ATP8B2: variants seen among roughly 807,000 people sequenced by gnomAD.
The protein encoded by ATP8B2 is phospholipid-transporting ATPase ID.
ATP8B2 carries 70 observed loss-of-function variants against 133.4 expected under a neutral mutation model. The observed-to-expected ratio is 0.52, with a 90% CI of 0.43 to 0.64. The LOEUF is 0.64. ATP8B2 is among the 30% of genes least tolerant of loss of function. The pLI, the probability that ATP8B2 is intolerant of heterozygous loss-of-function variation, is 0.00. For synonymous variants in ATP8B2, 517 were observed against 589.5 expected (o/e 0.88, Z 1.78); for missense variants, 1,101 against 1,535.7 (o/e 0.72, Z 4.73).
chr1:154,329,892 C>T (rs1294887287), intron 2 of ATP8B2, among the ~76,000 whole-genome samples: 2 of 152,244 alleles, frequency 1.3e-5, no homozygotes, highest in South Asian at 4.1e-4. Flanking sequence ...TGGGATGCTC[C>T]CGCAGAGCAG....
intron 11 of ATP8B2, 96 bp from the exon 12 acceptor site, chr1:154,337,252 C>G: frequency 7.0e-7 from 1 of 1,435,122 alleles, no homozygotes; most frequent in South Asian, 1.4e-5. Context: ...AGCATCTGAG[C>G]TTTTGAGGGC....
chr1:154,333,514 AAG>A (rs200753908), intron 9 of ATP8B2, among the ~76,000 whole-genome samples: 23,086 of 148,662 alleles, frequency 0.16, 1,785 homozygotes, highest in African/African-American at 0.19. Flanking sequence ...AAAAAAAAAA[AAG>A]AAGAAGAAAA....
Position 154,346,486 on chromosome 1 carries a change from C to T in ATP8B2, c.3024+10C>T. 6.2e-7 allele frequency: 1 copy of T among 1,608,250 alleles called. No homozygotes were observed. The highest frequency in any genetic ancestry group is 8.5e-7 in the Non-Finnish European group (1 of 1,175,970). On this transcript the variant is annotated intron_variant, in intron 25 of 27. Transcript: ENST00000368489. The surrounding 1 kb of genome is among the most constrained non-coding windows in gnomAD (Gnocchi z 4.5). ...TGTGGTTAGCGTGCAGGTATGAGGC[C>T]ATCCAGGAACTCCCCTCTTCTCTGG...
At position 154,350,871 on chromosome 1, in the gene ATP8B2, G is replaced by A. The variant is rs1191774570; in HGVS notation, c.*1753G>A. Reference sequence around the variant, plus strand: ...AATGGTTTGGAGCTGGGAGTGGGTAGGGGGATTTTAAATGTTCCATATGGG... The same window carrying A: ...AATGGTTTGGAGCTGGGAGTGGGTAAGGGGATTTTAAATGTTCCATATGGG... On this transcript the variant is annotated 3_prime_UTR_variant, in exon 28 of 28. Coordinates refer to ENST00000368489, the MANE Select transcript of ATP8B2 (RefSeq NM_001370597.1). 2 of 152,024 alleles carry A rather than the reference G, an allele frequency of 1.3e-5. No individual in the cohort carries two copies. Among genetic ancestry groups the A allele is most frequent in the Admixed American group, 1.3e-4 (2 of 15,228 alleles). The allele number at this position is 152,024 out of a possible 1,614,324, so 9.4% of individuals were successfully genotyped here.
At chr1:154,333,245 G>A (rs183887431) in intron 9 of ATP8B2, among the ~76,000 whole-genome samples, 26 of 152,190 alleles carry the variant, frequency 1.7e-4, no homozygotes, top group African/African-American at 5.8e-4. Context: ...CCTGGGAGGC[G>A]GAGGTTGCAG....
chr1:154,337,817 T>C, intron 12 of ATP8B2: 1 of 1,262,352 alleles, frequency 7.9e-7, no homozygotes, highest in Non-Finnish European at 1.0e-6. Context: ...GTGTGCTAGG[T>C]GCCATCACAA....
intron 12 of ATP8B2, chr1:154,337,886 A>G: frequency 1.3e-6 from 1 of 750,532 alleles, no homozygotes. Context: ...CTAGTAAAGG[A>G]AGGAAAATCT....
At position 154,346,148 on chromosome 1, in the gene ATP8B2, C is replaced by T; in HGVS notation, c.2779-83C>T. On this transcript the variant is annotated intron_variant, in intron 24 of 27. Transcript: ENST00000368489. This position sits in a 1 kb window ranked among gnomAD's most constrained non-coding sequence, Gnocchi z 4.5. ...GACTTTGGAAAGGAGGAGGCAGGGA[C>T]AGAGTCAGAGTCTGCCCTTGGTCAT... 1 of 1,543,288 alleles carries T rather than the reference C, an allele frequency of 6.5e-7. No homozygotes were observed. Among genetic ancestry groups the T allele is most frequent in the South Asian group, 1.2e-5 (1 of 81,782 alleles).
Position 154,342,934 on chromosome 1 carries a change from A to G in ATP8B2, c.1426A>G (p.Thr476Ala). The G allele has an allele frequency of 6.2e-7, 1 of 1,614,130 alleles. No homozygotes were observed. Among genetic ancestry groups the G allele is most frequent in the Non-Finnish European group, 8.5e-7 (1 of 1,180,038 alleles). The stretch of plus-strand genomic sequence containing the variant: ...CTTCCGCCTCCTTTCCCTGTGTCAT[A>G]CTGTCATGTCAGAAGAAAAGAACGA... Reference protein sequence around the residue: ...EFFRLLSLCHTVMSEEKNEGE... With the variant: ...EFFRLLSLCHAVMSEEKNEGE... Residue 476 changes from threonine to alanine, a missense_variant, in exon 15 of 28, where the codon ACT (threonine) becomes GCT (alanine). Transcript: ENST00000368489.
In ATP8B2 at chr1:154,335,683, C is replaced by A. The variant is rs540983579; in HGVS notation, c.837+1092C>A. Among the ~76,000 whole-genome samples the A allele has an allele frequency of 1.4e-4, 20 of 143,390 alleles. No homozygotes were observed. In the South Asian group the frequency reaches 2.7e-3, roughly 19 times the overall value. 94.1% of individuals were successfully genotyped at this position (143,390 alleles called of 152,430 possible). On this transcript the variant is annotated intron_variant, in intron 11 of 27. Transcript: ENST00000368489. ...TCCAGCCTGGGCAACAAAGCAAGAC[C>A]CTGTTTCAAAAAAGAAATCTACGTT... is the stretch of plus-strand genomic sequence containing the variant.
In ATP8B2 at chr1:154,331,162, T is replaced by C. The variant is rs1685975362; in HGVS notation, c.303+16T>C. 5.6e-6 allele frequency: 9 copies of C among 1,608,300 alleles called. No individual in the cohort carries two copies. The highest frequency in any genetic ancestry group is 7.7e-6 in the Non-Finnish European group (9 of 1,175,042). ...TGATGACTATGTGAGTGGTTTTCAT[T>C]CTTCTATTTTGTCCCAGTCACCCAC... On this transcript the variant is annotated intron_variant, in intron 5 of 27. Coordinates refer to ENST00000368489, the MANE Select transcript of ATP8B2 (RefSeq NM_001370597.1). This position sits in a 1 kb window ranked among gnomAD's most constrained non-coding sequence, Gnocchi z 4.8.
Position 154,346,806 on chromosome 1 carries a change from T to G in ATP8B2, c.3163+48T>G, listed in dbSNP as rs201312555. On this transcript the variant is annotated intron_variant, in intron 26 of 27. Transcript: ENST00000368489. The surrounding 1 kb of genome is among the most constrained non-coding windows in gnomAD (Gnocchi z 4.5). ...AATCGGTGAGGAATCACAGCTGTTCTGGGACTAACAGGACCATCAGCTAAT... is the reference window on the plus strand; with the variant it reads ...AATCGGTGAGGAATCACAGCTGTTCGGGGACTAACAGGACCATCAGCTAAT... 17 of 1,600,654 alleles carry G rather than the reference T, an allele frequency of 1.1e-5. No individual in the cohort carries two copies. The South Asian group carries it at 1.2e-4, about 11-fold the overall frequency.
Position 154,343,155 on chromosome 1 carries a change from T to C in ATP8B2, c.1496T>C (p.Leu499Pro). The C allele has an allele frequency of 6.2e-7, 1 of 1,614,110 alleles. No homozygotes were observed. The highest frequency in any genetic ancestry group is 8.5e-7 in the Non-Finnish European group (1 of 1,180,022). The change falls in exon 16 of 28, where the codon CTG (leucine) becomes CCG (proline). Residue 499 changes from leucine (L) to proline (P), a missense_variant. Transcript: ENST00000368489. The surrounding 1 kb of genome is among the most constrained non-coding windows in gnomAD (Gnocchi z 5.8). ...YKAQSPDEGA[L>P]VTAARNFGFV... The stretch of plus-strand genomic sequence containing the variant: ...GCTCAGTCCCCAGATGAGGGGGCCC[T>C]GGTCACCGCAGCCAGGAACTTTGGT...
chr1:154,332,842 T>C (rs1686043784), intron 9 of ATP8B2, 145 bp downstream of exon 9: 1 of 642,288 alleles, frequency 1.6e-6, no homozygotes, highest in Admixed American at 2.9e-5. Flanking sequence ...GTGTTTGTAA[T>C]GTCATGTGGC....
In ATP8B2 at chr1:154,346,523, C is replaced by T. The variant is rs1558275853; in HGVS notation, c.3024+47C>T. The T allele has an allele frequency of 1.2e-6, 2 of 1,604,918 alleles. No homozygotes were observed. Among genetic ancestry groups the T allele is most frequent in the African/African-American group, 1.3e-5 (1 of 74,874 alleles). Reference sequence around the variant, plus strand: ...CCCCTCTTCTCTGGAAGGAGTGAGCCTTCTGTCCCTGGGGCTGCCCTGGGC... The same window carrying T: ...CCCCTCTTCTCTGGAAGGAGTGAGCTTTCTGTCCCTGGGGCTGCCCTGGGC... On this transcript the variant is annotated intron_variant, in intron 25 of 27. Transcript: ENST00000368489. This position sits in a 1 kb window ranked among gnomAD's most constrained non-coding sequence, Gnocchi z 4.5.
At chr1:154,342,394 G>C in intron 13 of ATP8B2, 86 bp from the exon 14 acceptor site, 1 of 1,359,876 alleles carries the variant, frequency 7.4e-7, no homozygotes, top group Admixed American at 1.7e-5. Flanking sequence ...CAGTGCCTAC[G>C]GGGATTCTGC....
rs768276954 is a variant in ATP8B2, at chr1:154,344,792, A to G, written c.2286+7A>G. 9.4e-6 allele frequency: 15 copies of G among 1,591,514 alleles called. No individual in the cohort carries two copies. The Admixed American group carries it at 2.0e-4, about 22-fold the overall frequency. ...CATAAATGGTCACAGCCTGGTAGGC[A>G]TCGCTATCCTTAGCTTGGGCAGTAT... is the stretch of plus-strand genomic sequence containing the variant. On this transcript the variant is annotated splice_region_variant and intron_variant, in intron 21 of 27. Transcript: ENST00000368489. The surrounding 1 kb of genome is among the most constrained non-coding windows in gnomAD (Gnocchi z 4.1).
chr1:154,336,794 CTTT>C (rs370012622), intron 11 of ATP8B2, among the ~76,000 whole-genome samples: 75 of 126,414 alleles, frequency 5.9e-4, no homozygotes, highest in Non-Finnish European at 7.5e-4. Context: ...TGCACCTGGC[CTTT>C]TTTTTTTTTT....
intron 8 of ATP8B2, 111 bp downstream of exon 8, chr1:154,332,135 G>A (rs1283819190): frequency 1.7e-6 from 2 of 1,146,058 alleles, no homozygotes; most frequent in African/African-American, 1.5e-5. Flanking sequence ...GGAAAAATTA[G>A]GGGTAAGAAA....
Sources: allele counts gnomAD v4.1 joint callset (sites outside exome capture counted in the v4.1 genomes callset), GRCh38; gene constraint gnomAD v4.1.1; non-coding constraint Gnocchi (gnomAD v3.1); transcripts MANE v1.5; gene names NCBI Gene and HGNC (gene_info 2026-07-23, HGNC 2026-07-21).